The following SMIM14 variants were observed in gnomAD, a reference collection of about 807,000 sequenced individuals.
The protein encoded by SMIM14 is chromosome 4 open reading frame 34.
A neutral mutation model predicts 12.6 loss-of-function variants in SMIM14; 5 were observed. The ratio of observed to expected loss-of-function variants is 0.40; its 90% confidence interval spans 0.21 to 0.83. The LOEUF is 0.83. Ranked by LOEUF, SMIM14 falls within the 40% of genes least tolerant of loss-of-function variation. The pLI is 0.37. For synonymous variants in SMIM14, 30 were observed against 40.1 expected (o/e 0.75, Z 0.95); for missense variants, 86 against 119.1 (o/e 0.72, Z 1.29).
intron 1 of SMIM14, among the ~76,000 whole-genome samples, chr4:39,623,463 TTC>T (rs1715579247): frequency 6.6e-6 from 1 of 152,348 alleles, no homozygotes; most frequent in African/African-American, 2.4e-5. Context: ...AATATGAAAA[TTC>T]TTTTATTGTG....
chr4:39,569,071 T>G (rs1341028032), intron 3 of SMIM14, among the ~76,000 whole-genome samples: 1 of 152,196 alleles, frequency 6.6e-6, no homozygotes, highest in African/African-American at 2.4e-5. Flanking sequence ...AAAATTATTT[T>G]CAACTAGGAA....
intron 1 of SMIM14, among the ~76,000 whole-genome samples, chr4:39,622,962 C>T (rs1465953196): frequency 2.6e-5 from 4 of 152,108 alleles, no homozygotes; most frequent in African/African-American, 9.7e-5. Flanking sequence ...TAAGAGATGG[C>T]AGGGGAACGG....
At chr4:39,559,079 G>C (rs1712159022) in intron 3 of SMIM14, among the ~76,000 whole-genome samples, 1 of 152,300 alleles carries the variant, frequency 6.6e-6, no homozygotes, top group South Asian at 2.1e-4. Flanking sequence ...TCTCTGCAGA[G>C]AGCTTTCTCC....
chr4:39,575,522 T>G (rs1713122717), intron 2 of SMIM14, among the ~76,000 whole-genome samples: 1 of 151,664 alleles, frequency 6.6e-6, no homozygotes, highest in South Asian at 2.1e-4. Context: ...AAAAATATGC[T>G]GTATATCTTA....
At chr4:39,582,657 T>C (rs1485476896) in intron 2 of SMIM14, among the ~76,000 whole-genome samples, 1 of 143,024 alleles carries the variant, frequency 7.0e-6, no homozygotes, top group Non-Finnish European at 1.5e-5. Context: ...AGAGTGAAAC[T>C]CCATTTCAAA....
chr4:39,567,143 G>GAAAAAAAAAAAA (rs1168446466), intron 3 of SMIM14, among the ~76,000 whole-genome samples: 3 of 72,112 alleles, frequency 4.2e-5, no homozygotes, highest in African/African-American at 1.5e-4. Flanking sequence ...CTCAAAAAAA[G>GAAAAAAAAAAAA]AAAAAAAAAA....
At chr4:39,596,829 G>A (rs1448121906) in intron 2 of SMIM14, among the ~76,000 whole-genome samples, 2 of 152,156 alleles carry the variant, frequency 1.3e-5, no homozygotes, top group African/African-American at 4.8e-5. Flanking sequence ...AGGCTGGAGT[G>A]TAGTGGTGCA....
intron 1 of SMIM14, among the ~76,000 whole-genome samples, chr4:39,622,152 C>T (rs979051694): frequency 1.3e-5 from 2 of 151,734 alleles, no homozygotes; most frequent in Non-Finnish European, 2.9e-5. Flanking sequence ...GGCACGATCT[C>T]GGTTCACTGC....
intron 2 of SMIM14, among the ~76,000 whole-genome samples, chr4:39,579,410 CAAA>C (rs11300565): frequency 3.0e-4 from 31 of 102,220 alleles, no homozygotes; most frequent in Middle Eastern, 4.2e-3. Flanking sequence ...ACAGTGCCTC[CAAA>C]AAAAAAAAAA....
rs1711529402 is a variant in SMIM14 at position 39,548,710 on chromosome 4, A to G, written c.*3416T>C. On this transcript the variant is annotated 3_prime_UTR_variant, in exon 5 of 5. Coordinates refer to ENST00000295958, the MANE Select transcript of SMIM14 (RefSeq NM_174921.3). The stretch of plus-strand genomic sequence containing the variant: ...TGGAATAATATAAATTACTAGGTCA[A>G]CAAGAATATTTCATGTATAGTACAC... The G allele has an allele frequency of 6.6e-6, 1 of 152,254 alleles. No homozygotes were observed. Among genetic ancestry groups the G allele is most frequent in the South Asian group, 2.1e-4 (1 of 4,834 alleles). The allele number at this position is 152,254 out of a possible 1,614,324, so 9.4% of individuals were successfully genotyped here. A position where few individuals can be genotyped will look rare whatever the true frequency, so the allele number is the denominator to read the frequency against.
chr4:39,584,318 C>T lies in SMIM14; in HGVS notation c.76-11855G>A, dbSNP rs28539706. Among the ~76,000 whole-genome samples the T allele has an allele frequency of 3.1e-3, 473 of 150,936 alleles. 6 individuals carry two copies. Among genetic ancestry groups the T allele is most frequent in the African/African-American group, 0.011 (446 of 41,108 alleles). ...CCAACATGGTGAAACCTTGTCTCTA[C>T]TAAAAATATAAAAATTAGCCGGGCA... On this transcript the variant is annotated intron_variant, in intron 2 of 4. Transcript: ENST00000295958.
At chr4:39,612,486 T>A (rs947530485) in intron 1 of SMIM14, among the ~76,000 whole-genome samples, 1 of 152,168 alleles carries the variant, frequency 6.6e-6, no homozygotes, top group African/African-American at 2.4e-5. Flanking sequence ...TCCCCCCAGG[T>A]CAATACTGTG....
intron 1 of SMIM14, among the ~76,000 whole-genome samples, chr4:39,615,631 T>C (rs1012856912): frequency 6.6e-6 from 1 of 152,136 alleles, no homozygotes; most frequent in African/African-American, 2.4e-5. Context: ...GCAGGGGATA[T>C]ATGAGAACTC....
intron 3 of SMIM14, among the ~76,000 whole-genome samples, chr4:39,568,837 T>G (rs1219234857): frequency 6.6e-6 from 1 of 152,198 alleles, no homozygotes; most frequent in Non-Finnish European, 1.5e-5. Context: ...TTTAAAAGCC[T>G]AGCTCTCAGA....
rs1711630653 is a variant in SMIM14 at position 39,550,581 on chromosome 4, C to G, written c.*1545G>C. On this transcript the variant is annotated 3_prime_UTR_variant, in exon 5 of 5. Transcript: ENST00000295958. The stretch of plus-strand genomic sequence containing the variant: ...ACAGGCGTGAGCCACCGTGCCCAGC[C>G]CATGCAGACATTTTTAAGTGCTATT... 1 of 152,166 alleles carries G rather than the reference C, an allele frequency of 6.6e-6. No homozygotes were observed. Among genetic ancestry groups the G allele is most frequent in the Non-Finnish European group, 1.5e-5 (1 of 68,052 alleles). The allele number at this position is 152,166 out of a possible 1,614,324, so 9.4% of individuals were successfully genotyped here.
intron 3 of SMIM14, among the ~76,000 whole-genome samples, chr4:39,557,082 T>C (rs1712054273): frequency 6.6e-6 from 1 of 151,198 alleles, no homozygotes; most frequent in African/African-American, 2.4e-5. Flanking sequence ...TGGGACAATG[T>C]TGGCTCACTG....
At chr4:39,614,193 A>C (rs865851163) in intron 1 of SMIM14, among the ~76,000 whole-genome samples, 10,269 of 149,790 alleles carry the variant, frequency 0.069, 1,226 homozygotes, top group African/African-American at 0.24. Context: ...TACAAAAAAA[A>C]AAAAAAAAAA....
intron 2 of SMIM14, among the ~76,000 whole-genome samples, chr4:39,574,776 C>T (rs1039616337): frequency 1.3e-5 from 2 of 152,110 alleles, no homozygotes; most frequent in African/African-American, 4.8e-5. Flanking sequence ...AACAACTAAA[C>T]GAATCATTTT....
At chr4:39,635,016 A>G (rs1716040805) in intron 1 of SMIM14, among the ~76,000 whole-genome samples, 1 of 152,200 alleles carries the variant, frequency 6.6e-6, no homozygotes, top group South Asian at 2.1e-4. Context: ...TTAAAATTCC[A>G]TATATTGATA....
Sources: allele counts gnomAD v4.1 joint callset (sites outside exome capture counted in the v4.1 genomes callset), GRCh38; gene constraint gnomAD v4.1.1; transcripts MANE v1.5; gene names NCBI Gene and HGNC (gene_info 2026-07-23, HGNC 2026-07-21).